The following HSD17B12 variants were observed in gnomAD, a reference collection of about 807,000 sequenced individuals.
HSD17B12 encodes very-long-chain 3-oxoacyl-CoA reductase.
Under a neutral mutation model 39.3 loss-of-function variants are expected in HSD17B12, and 32 were observed. That is an observed-to-expected ratio of 0.81 (90% CI 0.61 to 1.09). HSD17B12 has a LOEUF of 1.09. HSD17B12 is among the 50% of genes least tolerant of loss of function. HSD17B12 has a pLI of 0.00. For missense variants in HSD17B12, 342 were observed against 382.9 expected (o/e 0.89, Z 0.89); for synonymous variants, 150 against 146.7 (o/e 1.02, Z -0.16).
chr11:43,845,942 G>A (rs1441586953), intron 9 of HSD17B12, among the ~76,000 whole-genome samples: 1 of 152,156 alleles, frequency 6.6e-6, no homozygotes, highest in Non-Finnish European at 1.5e-5. Flanking sequence ...CTGAAGCCCT[G>A]CCTGGATATT....
At chr11:43,634,476 T>C in the HSD17B12 span, among the ~76,000 whole-genome samples, 2 of 152,212 alleles carry the variant, frequency 1.3e-5, no homozygotes, top group Non-Finnish European at 2.9e-5. Flanking sequence ...TGAATTTGAC[T>C]CTATAGAAAA....
chr11:43,642,839 G>A, the HSD17B12 span, among the ~76,000 whole-genome samples: 1 of 151,782 alleles, frequency 6.6e-6, no homozygotes, highest in Non-Finnish European at 1.5e-5. Flanking sequence ...ATATTGTACA[G>A]GAGTGAAGAA....
chr11:43,654,333 C>T, the HSD17B12 span, among the ~76,000 whole-genome samples: 1 of 152,116 alleles, frequency 6.6e-6, no homozygotes. Context: ...AATTTTCTCC[C>T]ATTCTGTAGG....
At chr11:43,820,059 G>A (rs982505841) in intron 6 of HSD17B12, among the ~76,000 whole-genome samples, 8 of 152,116 alleles carry the variant, frequency 5.3e-5, no homozygotes, top group Non-Finnish European at 4.4e-5. Flanking sequence ...CATTGCTTCT[G>A]ATCACAGTTG....
Position 43,798,330 on chromosome 11 carries a change from C to G in HSD17B12, c.294C>G (p.Phe98Leu). Reference sequence around the variant, plus strand: ...TTTCTTTTTCCCTAGAAGAAAAATTCAAAGTGGAGACAAGAACCATTGCTG... The same window carrying G: ...TTTCTTTTTCCCTAGAAGAAAAATTGAAAGTGGAGACAAGAACCATTGCTG... The part of the protein sequence containing the change: ...DQVSSEIKEK[F>L]KVETRTIAVD... Residue 98 changes from phenylalanine to leucine, a missense_variant, in exon 4 of 11, where the codon TTC becomes TTG. Physicochemically the swap from Phe to Leu is conservative, Grantham distance 22. Coordinates refer to ENST00000278353, the MANE Select transcript of HSD17B12 (RefSeq NM_016142.3). 1.2e-6 allele frequency: 2 copies of G among 1,606,444 alleles called. No homozygotes were observed. Among genetic ancestry groups the G allele is most frequent in the Non-Finnish European group, 1.7e-6 (2 of 1,174,434 alleles).
chr11:43,812,479 C>T (rs1382629759), intron 4 of HSD17B12, among the ~76,000 whole-genome samples: 1 of 152,038 alleles, frequency 6.6e-6, no homozygotes, highest in Non-Finnish European at 1.5e-5. Flanking sequence ...TGGTGATGAG[C>T]ATTTTTTCAT....
Position 43,738,838 on chromosome 11 carries a change from A to G in HSD17B12, c.161-12073A>G, listed in dbSNP as rs143995297. On this transcript the variant is annotated intron_variant, in intron 1 of 10. Transcript: ENST00000278353. Reference sequence around the variant, plus strand: ...GCTAGATAGTAGGAAAGAGAGTTTTATTGGCAATATCAGTTTGCAAAACAG... The same window carrying G: ...GCTAGATAGTAGGAAAGAGAGTTTTGTTGGCAATATCAGTTTGCAAAACAG... 8.5e-5 allele frequency among the ~76,000 whole-genome samples: 13 copies of G among 152,346 alleles called. No homozygotes were observed. The East Asian group carries it at 2.5e-3, about 29-fold the overall frequency.
At chr11:43,583,203 CGCA>C in the HSD17B12 span, among the ~76,000 whole-genome samples, 1 of 152,316 alleles carries the variant, frequency 6.6e-6, no homozygotes, top group African/African-American at 2.4e-5. Flanking sequence ...GTTGAGCCAC[CGCA>C]GCGCAGGCGG....
chr11:43,692,443 T>C (rs555162628), intron 1 of HSD17B12, among the ~76,000 whole-genome samples: 1 of 152,306 alleles, frequency 6.6e-6, no homozygotes, highest in African/African-American at 2.4e-5. Context: ...TGAATAGTAT[T>C]GGTAACAGGC....
chr11:43,694,010 G>A (rs1000736968), intron 1 of HSD17B12, among the ~76,000 whole-genome samples: 1 of 152,174 alleles, frequency 6.6e-6, no homozygotes, highest in African/African-American at 2.4e-5. Flanking sequence ...TACAGATAAC[G>A]TGAAAACAAA....
chr11:43,697,675 G>A lies in HSD17B12; in HGVS notation c.160+16688G>A, dbSNP rs529488619. Among the ~76,000 whole-genome samples, 10 of 152,312 alleles carry A rather than the reference G, an allele frequency of 6.6e-5. No homozygotes were observed. The East Asian group carries it at 1.7e-3, about 26-fold the overall frequency. On this transcript the variant is annotated intron_variant, in intron 1 of 10. Coordinates refer to ENST00000278353, the MANE Select transcript of HSD17B12 (RefSeq NM_016142.3). The stretch of plus-strand genomic sequence containing the variant: ...TAGAGATGGGCAGGTGAGGGGTGTT[G>A]GAGGACAGGGGACTATTTCAAGCAG...
intron 1 of HSD17B12, among the ~76,000 whole-genome samples, chr11:43,688,980 T>C (rs1307432751): frequency 6.6e-6 from 1 of 152,212 alleles, no homozygotes; most frequent in Non-Finnish European, 1.5e-5. Context: ...GAAAAGGGAT[T>C]GTTGAAACTA....
At chr11:43,708,129 T>A (rs2134828007) in intron 1 of HSD17B12, among the ~76,000 whole-genome samples, 1 of 152,282 alleles carries the variant, frequency 6.6e-6, no homozygotes, top group East Asian at 1.9e-4. Context: ...AAACATTCAG[T>A]CCCAGAGCAT....
At chr11:43,733,948 C>T in intron 1 of HSD17B12, 1 of 700,778 alleles carries the variant, frequency 1.4e-6, no homozygotes, top group Non-Finnish European at 2.6e-6. Context: ...GGTACAGAAA[C>T]CAATTATCTT....
At chr11:43,764,135 A>T (rs1236315365) in intron 3 of HSD17B12, among the ~76,000 whole-genome samples, 1 of 152,140 alleles carries the variant, frequency 6.6e-6, no homozygotes, top group Non-Finnish European at 1.5e-5. Context: ...TTAGGGATTT[A>T]CCTTAATTAG....
the HSD17B12 span, among the ~76,000 whole-genome samples, chr11:43,575,897 G>A: frequency 6.6e-6 from 1 of 152,240 alleles, no homozygotes; most frequent in Non-Finnish European, 1.5e-5. The surrounding 1 kb of genome is among the most constrained non-coding windows in gnomAD (Gnocchi z 4.1). Context: ...TCCAAAGGCG[G>A]TGTGTTGCAA....
At chr11:43,581,262 G>T in the HSD17B12 span, 1 of 456,026 alleles carries the variant, frequency 2.2e-6, no homozygotes, top group Non-Finnish European at 4.5e-6. The surrounding 1 kb of genome is among the most constrained non-coding windows in gnomAD (Gnocchi z 4.9). Context: ...GGGCGCGGAG[G>T]GGCGGGCAGC....
Position 43,812,142 on chromosome 11 carries a change from T to A in HSD17B12, c.392-3295T>A, listed in dbSNP as rs183965598. 1.2e-4 allele frequency among the ~76,000 whole-genome samples: 18 copies of A among 152,354 alleles called. No homozygotes were observed. In the East Asian group the frequency reaches 3.5e-3, roughly 29 times the overall value. ...TTTGTTGATGGACACTTAAGTCAAT[T>A]CCTTATCTTTGCTATTGTGAATGAT... On this transcript the variant is annotated intron_variant, in intron 4 of 10. Coordinates refer to ENST00000278353, the MANE Select transcript of HSD17B12 (RefSeq NM_016142.3).
intron 3 of HSD17B12, among the ~76,000 whole-genome samples, chr11:43,777,547 T>C (rs1163620168): frequency 6.6e-6 from 1 of 152,180 alleles, no homozygotes; most frequent in Non-Finnish European, 1.5e-5. Flanking sequence ...TCATGTTGTC[T>C]GCAAACAGGG....
Sources: allele counts gnomAD v4.1 joint callset (sites outside exome capture counted in the v4.1 genomes callset), GRCh38; gene constraint gnomAD v4.1.1; non-coding constraint Gnocchi (gnomAD v3.1); transcripts MANE v1.5; gene names NCBI Gene and HGNC (gene_info 2026-07-23, HGNC 2026-07-21).